The following CADM2 variants were observed in gnomAD, a reference collection of about 807,000 sequenced individuals.
CADM2 encodes cell adhesion molecule 2.
Under a neutral mutation model 49.8 loss-of-function variants are expected in CADM2, and 12 were observed. That is an observed-to-expected ratio of 0.24 (90% CI 0.15 to 0.39). The LOEUF (loss-of-function observed/expected upper bound fraction) is 0.39, where lower values mean the gene tolerates loss of function less well. Among genes scored for constraint, CADM2 ranks in the 10% least tolerant of loss-of-function variants. The probability of loss-of-function intolerance (pLI) is 1.00; values close to 1 mark genes in which losing one functional copy is unlikely to be tolerated. For missense variants in CADM2, 378 were observed against 492.3 expected (o/e 0.77, Z 2.20); for synonymous variants, 214 against 175.4 (o/e 1.22, Z -1.74).
intron 1 of CADM2, among the ~76,000 whole-genome samples, chr3:85,333,415 CTATAT>C (rs1414148056): frequency 5.3e-5 from 8 of 151,680 alleles, no homozygotes; most frequent in African/African-American, 1.9e-4. Flanking sequence ...AATTTTATGT[CTATAT>C]TATATGTAAA....
intron 1 of CADM2, among the ~76,000 whole-genome samples, chr3:85,070,583 T>TG (rs11427455): frequency 0.58 from 88,351 of 151,884 alleles, 26,538 homozygotes; most frequent in Middle Eastern, 0.65. Context: ...CACTATATCC[T>TG]AAGCTATAAA....
At chr3:85,257,089 G>A (rs1576224407) in intron 1 of CADM2, among the ~76,000 whole-genome samples, 2 of 152,078 alleles carry the variant, frequency 1.3e-5, no homozygotes, top group South Asian at 2.1e-4. Context: ...TTGAGAAATA[G>A]GGAGGTCCAG....
chr3:85,207,316 C>G (rs2041670082), intron 1 of CADM2, among the ~76,000 whole-genome samples: 1 of 152,118 alleles, frequency 6.6e-6, no homozygotes, highest in African/African-American at 2.4e-5. Context: ...TCATCACTGA[C>G]TATTCATTTC....
At chr3:85,643,281 G>A (rs2064782616) in intron 1 of CADM2, among the ~76,000 whole-genome samples, 1 of 152,126 alleles carries the variant, frequency 6.6e-6, no homozygotes. Flanking sequence ...AGAATAGCAT[G>A]CTGCATGTAT....
intron 8 of CADM2, among the ~76,000 whole-genome samples, chr3:85,989,249 G>T (rs1231564127): frequency 6.6e-6 from 1 of 152,120 alleles, no homozygotes; most frequent in African/African-American, 2.4e-5. Flanking sequence ...AAAAGCACAA[G>T]AGAACTGTTG....
chr3:85,332,029 G>A (rs1429185919), intron 1 of CADM2, among the ~76,000 whole-genome samples: 3 of 152,142 alleles, frequency 2.0e-5, no homozygotes, highest in African/African-American at 7.2e-5. Flanking sequence ...CCTACTATAT[G>A]ACCCTACCCA....
At chr3:85,461,165 G>A (rs773519591) in intron 1 of CADM2, among the ~76,000 whole-genome samples, 4 of 151,748 alleles carry the variant, frequency 2.6e-5, no homozygotes, top group South Asian at 2.1e-4. Context: ...TCATGTTTTC[G>A]CATGAGATGT....
At chr3:85,980,608 A>G (rs1727357333) in intron 8 of CADM2, among the ~76,000 whole-genome samples, 1 of 151,526 alleles carries the variant, frequency 6.6e-6, no homozygotes, top group Non-Finnish European at 1.5e-5. Context: ...AAAAAATTAT[A>G]TAAAAATGGG....
intron 1 of CADM2, among the ~76,000 whole-genome samples, chr3:85,288,926 A>G (rs1232913911): frequency 6.6e-6 from 1 of 152,048 alleles, no homozygotes; most frequent in African/African-American, 2.4e-5. Context: ...TGATATATGA[A>G]CAGTTCTTGA....
At chr3:85,950,291 A>G (rs1723281964) in intron 7 of CADM2, among the ~76,000 whole-genome samples, 2 of 151,206 alleles carry the variant, frequency 1.3e-5, no homozygotes, top group Non-Finnish European at 3.0e-5. Flanking sequence ...AGGCATGGGT[A>G]ATTGTTTTGC....
intron 1 of CADM2, among the ~76,000 whole-genome samples, chr3:85,358,599 T>C (rs2032068475): frequency 6.6e-6 from 1 of 152,092 alleles, no homozygotes; most frequent in Admixed American, 6.6e-5. Context: ...TATGATGCAT[T>C]AGACTGGTCA....
chr3:85,605,047 A>G (rs1051609982), intron 1 of CADM2, among the ~76,000 whole-genome samples: 2 of 152,022 alleles, frequency 1.3e-5, no homozygotes, highest in African/African-American at 4.8e-5. Context: ...TAAGTAGAAC[A>G]TTGGCACTAA....
chr3:85,536,815 A>G (rs1158997036), intron 1 of CADM2, among the ~76,000 whole-genome samples: 1 of 151,966 alleles, frequency 6.6e-6, no homozygotes, highest in African/African-American at 2.4e-5. Context: ...TATTATATAT[A>G]TATATTTAAT....
At chr3:85,065,265 ACT>A (rs1438899867) in intron 1 of CADM2, among the ~76,000 whole-genome samples, 3 of 151,968 alleles carry the variant, frequency 2.0e-5, no homozygotes, top group African/African-American at 4.8e-5. Context: ...AATCAATTTG[ACT>A]CTATATTTTC....
At chr3:85,733,323 C>G (rs1207571829) in intron 2 of CADM2, among the ~76,000 whole-genome samples, 1 of 152,080 alleles carries the variant, frequency 6.6e-6, no homozygotes, top group Non-Finnish European at 1.5e-5. Flanking sequence ...GTAAGATGAC[C>G]CAGTGGGTCA....
chr3:85,515,625 A>AT (rs1395103763), intron 1 of CADM2, among the ~76,000 whole-genome samples: 2 of 114,974 alleles, frequency 1.7e-5, no homozygotes, highest in Non-Finnish European at 3.5e-5. Context: ...ATATATATAT[A>AT]TATATATTTT....
At chr3:85,021,726 G>A (rs1013471312) in intron 1 of CADM2, among the ~76,000 whole-genome samples, 2 of 152,146 alleles carry the variant, frequency 1.3e-5, no homozygotes, top group Admixed American at 6.5e-5. Context: ...AGTGAGCCGA[G>A]ATCATGCCAT....
At chr3:85,010,178 G>A (rs914796633) in intron 1 of CADM2, among the ~76,000 whole-genome samples, 17 of 152,022 alleles carry the variant, frequency 1.1e-4, no homozygotes, top group Non-Finnish European at 2.5e-4. Flanking sequence ...TGGAGTAATG[G>A]GAAGAATTTT....
intron 8 of CADM2, among the ~76,000 whole-genome samples, chr3:85,997,883 A>T (rs112485822): frequency 1.6e-3 from 245 of 152,302 alleles, no homozygotes; most frequent in Non-Finnish European, 3.0e-3. Flanking sequence ...AAAATTTACT[A>T]TATCAAAAAA....
Sources: allele counts gnomAD v4.1 joint callset (sites outside exome capture counted in the v4.1 genomes callset), GRCh38; gene constraint gnomAD v4.1.1; transcripts MANE v1.5; gene names NCBI Gene and HGNC (gene_info 2026-07-23, HGNC 2026-07-21).